Variants in ZNHIT6 observed in about 807,000 individuals in gnomAD.
ZNHIT6 encodes box C/D snoRNA protein 1.
Under a neutral mutation model 57.2 loss-of-function variants are expected in ZNHIT6, and 45 were observed. That is an observed-to-expected ratio of 0.79 (90% CI 0.62 to 1.01). The LOEUF (loss-of-function observed/expected upper bound fraction) is 1.01. Ranked by LOEUF, ZNHIT6 falls within the 50% of genes least tolerant of loss-of-function variation. The pLI, the probability that ZNHIT6 is intolerant of heterozygous loss-of-function variation, is 0.00. For missense variants in ZNHIT6, 528 were observed against 567.3 expected (o/e 0.93, Z 0.70); for synonymous variants, 188 against 190.0 (o/e 0.99, Z 0.09).
At chr1:85,685,450 A>G (rs982655566) in intron 5 of ZNHIT6, among the ~76,000 whole-genome samples, 2 of 152,208 alleles carry the variant, frequency 1.3e-5, no homozygotes, top group African/African-American at 2.4e-5. Flanking sequence ...ATATATTGGC[A>G]AGTATGAAGG....
At chr1:85,681,553 A>C (rs1194103660) in intron 5 of ZNHIT6, among the ~76,000 whole-genome samples, 2 of 152,238 alleles carry the variant, frequency 1.3e-5, no homozygotes, top group Non-Finnish European at 2.9e-5. Flanking sequence ...AGAAATTTAA[A>C]TGTCTTCACT....
intron 8 of ZNHIT6, among the ~76,000 whole-genome samples, chr1:85,667,547 G>A (rs1001137347): frequency 6.6e-6 from 1 of 150,822 alleles, no homozygotes; most frequent in East Asian, 2.0e-4. Flanking sequence ...GAATATTGAT[G>A]TTTTAAGATG....
In ZNHIT6 at chr1:85,699,949, GC is replaced by G. The variant is rs563979806; in HGVS notation, c.1019+2207del. On this transcript the variant is annotated intron_variant, in intron 5 of 9. Coordinates refer to ENST00000370574, the MANE Select transcript of ZNHIT6 (RefSeq NM_017953.4). The stretch of plus-strand genomic sequence containing the variant: ...AATGTATTGCTAAATGGAAAATCTA[GC>G]TGCAGGAAAAAAGGAGGTGCATTTA... 3.9e-4 allele frequency among the ~76,000 whole-genome samples: 60 copies of G among 152,208 alleles called. No individual in the cohort carries two copies. In the South Asian group the frequency reaches 6.4e-3, roughly 16 times the overall value.
chr1:85,663,707 T>C (rs574344971), intron 8 of ZNHIT6, among the ~76,000 whole-genome samples: 1 of 152,308 alleles, frequency 6.6e-6, no homozygotes, highest in South Asian at 2.1e-4. Flanking sequence ...GTTAGTACTC[T>C]TTTCAAGATC....
At chr1:85,703,760 T>C (rs916540643) in intron 4 of ZNHIT6, among the ~76,000 whole-genome samples, 2 of 152,042 alleles carry the variant, frequency 1.3e-5, no homozygotes, top group African/African-American at 2.4e-5. Context: ...CTACTAACTA[T>C]AAAGGAAACA....
At chr1:85,670,154 T>G (rs1661516996) in intron 8 of ZNHIT6, among the ~76,000 whole-genome samples, 1 of 151,852 alleles carries the variant, frequency 6.6e-6, no homozygotes, top group Admixed American at 6.6e-5. Flanking sequence ...AAAAAAACCC[T>G]TTAGAGCAGG....
intron 9 of ZNHIT6, among the ~76,000 whole-genome samples, chr1:85,657,608 T>C (rs1217938598): frequency 6.6e-6 from 1 of 152,136 alleles, no homozygotes; most frequent in Non-Finnish European, 1.5e-5. Flanking sequence ...AAAGTCCTTT[T>C]ATAGCCATTC....
Position 85,651,915 on chromosome 1 carries a change from G to A in ZNHIT6, c.*2143C>T, listed in dbSNP as rs546431705. 17 of 152,092 alleles carry A rather than the reference G, an allele frequency of 1.1e-4. No individual in the cohort carries two copies. The highest frequency in any genetic ancestry group is 3.6e-4 in the African/African-American group (15 of 41,488). 9.4% of individuals were successfully genotyped at this position (152,092 alleles called of 1,614,324 possible). On this transcript the variant is annotated 3_prime_UTR_variant, in exon 10 of 10. Transcript: ENST00000370574. ...AACACACGTGTATTGTAAATCTTAC[G>A]GGAAAAAATATGCATATTAATCAAA...
At chr1:85,671,582 G>A (rs1433878187) in intron 8 of ZNHIT6, among the ~76,000 whole-genome samples, 5 of 151,996 alleles carry the variant, frequency 3.3e-5, no homozygotes, top group Admixed American at 6.6e-5. Context: ...CACCTCTTAC[G>A]TTCATTGAAT....
chr1:85,707,960 C>A lies in ZNHIT6; in HGVS notation c.325G>T (p.Asp109Tyr), dbSNP rs1296798266. The A allele has an allele frequency of 1.2e-6, 2 of 1,613,904 alleles. No homozygotes were observed. Among genetic ancestry groups the A allele is most frequent in the African/African-American group, 2.7e-5 (2 of 74,860 alleles). The change falls in exon 1 of 10, where the codon GAT becomes TAT. Residue 109 changes from aspartate (D) to tyrosine (Y), a missense_variant. Transcript: ENST00000370574. ...ACCTCCAATACGCCTGCGTTCTCAT[C>A]CTTCACCTCAGGCCTATCCTCCACC... The part of the protein sequence containing the change: ...QEVEDRPEVK[D>Y]ENAGVLEVKQ...
At position 85,649,599 on chromosome 1, in the gene ZNHIT6, C is replaced by T. The variant is rs1001497235; in HGVS notation, c.*4459G>A. On this transcript the variant is annotated 3_prime_UTR_variant, in exon 10 of 10. Coordinates refer to ENST00000370574, the MANE Select transcript of ZNHIT6 (RefSeq NM_017953.4). ...ATTTTAATGAACACATGCACACACACTTTAGTTTTCAAAGACCAAAGTTTA... is the reference window on the plus strand; with the variant it reads ...ATTTTAATGAACACATGCACACACATTTTAGTTTTCAAAGACCAAAGTTTA... The T allele has an allele frequency of 6.6e-6, 1 of 152,164 alleles. No homozygotes were observed. Among genetic ancestry groups the T allele is most frequent in the Non-Finnish European group, 1.5e-5 (1 of 68,042 alleles). 9.4% of individuals were successfully genotyped at this position (152,164 alleles called of 1,614,324 possible).
intron 5 of ZNHIT6, among the ~76,000 whole-genome samples, chr1:85,693,588 T>C (rs935837933): frequency 2.0e-5 from 3 of 151,680 alleles, no homozygotes; most frequent in Admixed American, 2.0e-4. Flanking sequence ...GCAGAACAAA[T>C]CTCAAGGAAT....
At chr1:85,701,071 C>T (rs1380861687) in intron 5 of ZNHIT6, among the ~76,000 whole-genome samples, 1 of 152,190 alleles carries the variant, frequency 6.6e-6, no homozygotes, top group Non-Finnish European at 1.5e-5. Context: ...CATTACTTTA[C>T]TTTTCGAAGA....
Position 85,706,144 on chromosome 1 carries a change from A to G in ZNHIT6, c.849T>C (p.Asp283=). 1 of 1,613,930 alleles carries G rather than the reference A, an allele frequency of 6.2e-7. No homozygotes were observed. Among genetic ancestry groups the G allele is most frequent in the Non-Finnish European group, 8.5e-7 (1 of 1,179,890 alleles). ...AAATATGGTCCGCTGTTCTTGCCAC[A>G]TCTTCCAAAAATCGATAATCTAAAA... ...NLLSDYRFLE[D]VARTADHISR... is the part of the protein sequence containing the mutation. The change falls in exon 4 of 10, where the codon GAT becomes GAC. Residue 283 remains aspartate (D), a synonymous_variant. Coordinates refer to ENST00000370574, the MANE Select transcript of ZNHIT6 (RefSeq NM_017953.4).
At chr1:85,685,748 A>G (rs1001903144) in intron 5 of ZNHIT6, among the ~76,000 whole-genome samples, 10 of 152,092 alleles carry the variant, frequency 6.6e-5, no homozygotes, top group African/African-American at 2.4e-4. Context: ...TAGTAGAGAC[A>G]AGCTCTTGCT....
Position 85,654,076 on chromosome 1 carries a change from G to A in ZNHIT6, c.1395C>T (p.Asn465=), listed in dbSNP as rs758816835. The A allele has an allele frequency of 4.3e-6, 7 of 1,611,734 alleles. No homozygotes were observed. The highest frequency in any genetic ancestry group is 2.7e-5 in the African/African-American group (2 of 74,776). Residue 465 remains asparagine, a synonymous_variant, in exon 10 of 10, where the codon AAC becomes AAT. Transcript: ENST00000370574. The part of the protein sequence containing the change: ...LHQVKSESTK[N]VGNEN ...AAAATGCTCAATTTTCATTGCCAACGTTCTTGGTAGATTCACTCTTCACTA... is the reference window on the plus strand; with the variant it reads ...AAAATGCTCAATTTTCATTGCCAACATTCTTGGTAGATTCACTCTTCACTA...
chr1:85,679,458 G>C (rs1424920405), intron 6 of ZNHIT6, among the ~76,000 whole-genome samples: 1 of 151,684 alleles, frequency 6.6e-6, no homozygotes, highest in Non-Finnish European at 1.5e-5. Flanking sequence ...ACTACAAAGA[G>C]AGGATATTTA....
At chr1:85,690,912 G>A (rs1187659870) in intron 5 of ZNHIT6, among the ~76,000 whole-genome samples, 5 of 152,140 alleles carry the variant, frequency 3.3e-5, no homozygotes, top group Non-Finnish European at 7.4e-5. Flanking sequence ...TGTAATCCTA[G>A]CTACTCAGGA....
At chr1:85,659,266 C>A (rs1205637282) in intron 8 of ZNHIT6, among the ~76,000 whole-genome samples, 4 of 152,110 alleles carry the variant, frequency 2.6e-5, no homozygotes, top group Non-Finnish European at 5.9e-5. Flanking sequence ...AACATTCATT[C>A]TTGCTTGCTT....
Sources: gnomAD v4.1 joint callset for allele counts (sites outside exome capture counted in the v4.1 genomes callset) on GRCh38, gnomAD v4.1.1 for gene constraint, MANE v1.5 for transcripts, NCBI Gene and HGNC (gene_info 2026-07-23, HGNC 2026-07-21) for gene names.